The following SMCHD1 variants were observed in gnomAD, a reference collection of about 807,000 sequenced individuals.
The protein encoded by SMCHD1 is structural maintenance of chromosomes flexible hinge domain containing 1, also known as structural maintenance of chromosomes flexible hinge domain-containing protein 1.
A neutral mutation model predicts 254.7 loss-of-function variants in SMCHD1; 78 were observed. The ratio of observed to expected loss-of-function variants is 0.31; its 90% confidence interval spans 0.26 to 0.37. The LOEUF is 0.37. Among genes scored for constraint, SMCHD1 ranks in the 10% least tolerant of loss-of-function variants. SMCHD1 has a pLI of 1.00. For synonymous variants in SMCHD1, 766 were observed against 794.9 expected (o/e 0.96, Z 0.61); for missense variants, 1,840 against 2,408.1 (o/e 0.76, Z 4.94).
chr18:2,785,688 A>T (rs2076228699), intron 45 of SMCHD1, among the ~76,000 whole-genome samples: 1 of 144,368 alleles, frequency 6.9e-6, no homozygotes, highest in African/African-American at 2.5e-5. Context: ...ATTGGTGTTA[A>T]GTGCATTCAC....
At chr18:2,772,902 G>C (rs1314215424) in intron 41 of SMCHD1, among the ~76,000 whole-genome samples, 2 of 152,230 alleles carry the variant, frequency 1.3e-5, no homozygotes, top group Non-Finnish European at 2.9e-5. Flanking sequence ...TATTGCCTTT[G>C]CATGTATATT....
rs751334436 is a variant in SMCHD1, at chr18:2,656,026, C to T, written c.-50C>T. 4.6e-6 allele frequency: 6 copies of T among 1,301,876 alleles called. No individual in the cohort carries two copies. In the East Asian group the frequency reaches 9.3e-5, roughly 20 times the overall value. The allele number at this position is 1,301,876 out of a possible 1,614,324, so 80.6% of individuals were successfully genotyped here. ...CGCCGCGCGGAGCGCGCACCTCAGC[C>T]CTGAGCCCGGCGGCGGCAGGCGTCG... is the stretch of plus-strand genomic sequence containing the variant. On this transcript the variant is annotated 5_prime_UTR_variant, in exon 1 of 48. Transcript: ENST00000320876.
At chr18:2,756,271 T>C (rs897450803) in intron 34 of SMCHD1, among the ~76,000 whole-genome samples, 8 of 152,246 alleles carry the variant, frequency 5.3e-5, no homozygotes, top group African/African-American at 1.9e-4. Context: ...GTTTTGCTAA[T>C]ATTTTCTTAG....
rs2075307604 is a variant in SMCHD1 at position 2,739,439 on chromosome 18, C to A, written c.3433C>A (p.Pro1145Thr). Residue 1145 changes from proline (P) to threonine (T), a missense_variant, in exon 27 of 48, where the codon CCT becomes ACT. Pro to Thr is a conservative substitution (Grantham distance 38). This residue lies in a region of SMCHD1 where 881 missense variants were observed against 1,009.5 expected (regional missense o/e 0.87). Coordinates refer to ENST00000320876, the MANE Select transcript of SMCHD1 (RefSeq NM_015295.3). ...CTTGTTAAACAATTTCAGACCACTT[C>A]CTGATGAACCTAAACATTTAAAATG... ...LESAFTVRPL[P>T]DEPKHLKCEM... is the part of the protein sequence containing the mutation. 2.5e-6 allele frequency: 4 copies of A among 1,612,854 alleles called. No homozygotes were observed. Among genetic ancestry groups the A allele is most frequent in the Non-Finnish European group, 3.4e-6 (4 of 1,179,262 alleles).
chr18:2,776,551 T>A (rs939226562), intron 42 of SMCHD1, among the ~76,000 whole-genome samples: 7 of 152,152 alleles, frequency 4.6e-5, no homozygotes, highest in Non-Finnish European at 1.0e-4. Flanking sequence ...GCCTACTTTT[T>A]AAAATGTACC....
At chr18:2,676,965 GT>G (rs911204271) in intron 5 of SMCHD1, among the ~76,000 whole-genome samples, 4 of 151,954 alleles carry the variant, frequency 2.6e-5, no homozygotes, top group Admixed American at 1.3e-4. Context: ...ATTTTCATAA[GT>G]TTTTTTCCTG....
chr18:2,662,910 T>C (rs1311661235), intron 1 of SMCHD1, among the ~76,000 whole-genome samples: 1 of 151,538 alleles, frequency 6.6e-6, no homozygotes, highest in Non-Finnish European at 1.5e-5. Context: ...TTAATTACTT[T>C]CTTTATGTTT....
intron 1 of SMCHD1, among the ~76,000 whole-genome samples, chr18:2,658,176 A>T (rs904541662): frequency 6.6e-6 from 1 of 152,238 alleles, no homozygotes; most frequent in African/African-American, 2.4e-5. Flanking sequence ...GATGAGATAC[A>T]TCTTTAAAGC....
chr18:2,670,940 C>CTTTTTT (rs1235079896), intron 3 of SMCHD1, among the ~76,000 whole-genome samples: 49 of 124,488 alleles, frequency 3.9e-4, no homozygotes, highest in Admixed American at 8.8e-4. Context: ...TCTTTTAATT[C>CTTTTTT]TTTTTTTTTT....
At chr18:2,694,437 A>G (rs2074245704) in intron 7 of SMCHD1, 90 bp from the exon 8 acceptor site, 3 of 1,140,464 alleles carry the variant, frequency 2.6e-6, no homozygotes, top group Non-Finnish European at 3.7e-6. Flanking sequence ...TGAAACTCCA[A>G]GTAAATCACA....
chr18:2,767,973 C>T (rs72866543), intron 37 of SMCHD1, among the ~76,000 whole-genome samples: 29,387 of 152,024 alleles, frequency 0.19, 3,106 homozygotes, highest in South Asian at 0.27. Context: ...ATAATAGTAT[C>T]TGTGTATCTA....
chr18:2,740,619 C>A, intron 27 of SMCHD1, 84 bp from the exon 28 acceptor site: 1 of 596,704 alleles, frequency 1.7e-6, no homozygotes, highest in South Asian at 4.3e-5. Flanking sequence ...GAGTAAGTTT[C>A]TAAGCATGTT....
intron 25 of SMCHD1, among the ~76,000 whole-genome samples, chr18:2,732,732 T>A (rs1001026307): frequency 3.3e-5 from 5 of 152,216 alleles, no homozygotes; most frequent in African/African-American, 1.2e-4. Flanking sequence ...AATCTAGGTT[T>A]TGGCATTTTG....
intron 21 of SMCHD1, among the ~76,000 whole-genome samples, chr18:2,725,668 A>C (rs1324786591): frequency 6.6e-6 from 1 of 151,884 alleles, no homozygotes; most frequent in Non-Finnish European, 1.5e-5. Flanking sequence ...TTTAAAACAG[A>C]GCATGTGTAT....
chr18:2,673,480 T>A, intron 4 of SMCHD1, 117 bp downstream of exon 4: 1 of 779,476 alleles, frequency 1.3e-6, no homozygotes, highest in Non-Finnish European at 1.9e-6. Flanking sequence ...TTGTCAGATA[T>A]CTCTTCATCC....
intron 7 of SMCHD1, among the ~76,000 whole-genome samples, chr18:2,693,587 TAC>T (rs1157875923): frequency 6.6e-6 from 1 of 152,248 alleles, no homozygotes; most frequent in East Asian, 1.9e-4. Context: ...TGTATATGAA[TAC>T]ACACACAAAC....
intron 5 of SMCHD1, among the ~76,000 whole-genome samples, chr18:2,685,094 A>T (rs369862711): frequency 0.022 from 1,752 of 81,230 alleles, 1 homozygote; most frequent in Middle Eastern, 0.044. Context: ...TCTGTCCCTT[A>T]TTTTTTTCTT....
rs1456378994 is a variant in SMCHD1, at chr18:2,732,395, G to T, written c.3179G>T (p.Trp1060Leu). ...ATCAAACATCAGGATGAGGTTAATTGGATAGCGGGTGATATTATGCATAAT... is the reference window on the plus strand; with the variant it reads ...ATCAAACATCAGGATGAGGTTAATTTGATAGCGGGTGATATTATGCATAAT... Reference protein sequence around the residue: ...IQIKHQDEVNWIAGDIMHNLI... With the variant: ...IQIKHQDEVNLIAGDIMHNLI... Residue 1060 changes from tryptophan (W) to leucine (L), a missense_variant, in exon 25 of 48, where the codon TGG becomes TTG. By Grantham distance (61) the Trp-to-Leu change is moderately conservative. This residue lies in a region of SMCHD1 where 881 missense variants were observed against 1,009.5 expected (regional missense o/e 0.87). Transcript: ENST00000320876. 1.2e-6 allele frequency: 2 copies of T among 1,613,504 alleles called. No homozygotes were observed. The highest frequency in any genetic ancestry group is 1.7e-5 in the Admixed American group (1 of 60,012).
rs1286956159 is a variant in SMCHD1, at chr18:2,695,300, TA to T, written c.1040+616del. On this transcript the variant is annotated intron_variant, in intron 8 of 47. Transcript: ENST00000320876. Reference sequence around the variant, plus strand: ...CAGAGGAATAGTTATTTAATGGCTCTAAAAAAAAATTTTTTTTTTTTTTTTT... The same window carrying T: ...CAGAGGAATAGTTATTTAATGGCTCTAAAAAAAATTTTTTTTTTTTTTTTT... 1.6e-3 allele frequency among the ~76,000 whole-genome samples: 233 copies of T among 148,652 alleles called. 1 individual carries two copies. The highest frequency in any genetic ancestry group is 5.8e-3 in the African/African-American group (223 of 38,740).
Sources: allele counts gnomAD v4.1 joint callset (sites outside exome capture counted in the v4.1 genomes callset), GRCh38; gene constraint gnomAD v4.1.1; regional missense constraint gnomAD v4.1.1; transcripts MANE v1.5; gene names NCBI Gene and HGNC (gene_info 2026-07-23, HGNC 2026-07-21).